Variants in TBPL2 observed in about 807,000 individuals in gnomAD.
TBPL2 encodes the protein TATA box-binding protein-like 2.
A neutral mutation model predicts 38.2 loss-of-function variants in TBPL2; 40 were observed. The observed-to-expected ratio is 1.05, with a 90% CI of 0.81 to 1.36. The LOEUF (loss-of-function observed/expected upper bound fraction) is 1.36. TBPL2 is among the 40% of genes most tolerant of loss of function. The pLI is 0.00. For synonymous variants in TBPL2, 169 were observed against 171.7 expected, an observed-to-expected ratio of 0.98 and a Z score of 0.12; for missense variants, 461 against 456.7, an observed-to-expected ratio of 1.01 and a Z score of -0.09.
chr14:55,427,745 G>A (rs1473972397), intron 5 of TBPL2, among the ~76,000 whole-genome samples: 8 of 151,972 alleles, frequency 5.3e-5, no homozygotes, highest in Non-Finnish European at 8.8e-5. Flanking sequence ...CTGTTGAGAC[G>A]GGAAGTCTGA....
intron 4 of TBPL2, among the ~76,000 whole-genome samples, chr14:55,429,217 T>C (rs1342872409): frequency 6.6e-6 from 1 of 152,222 alleles, no homozygotes; most frequent in Non-Finnish European, 1.5e-5. Flanking sequence ...TCACCTTTCA[T>C]ATATGAAGTA....
chr14:55,438,150 AT>A (rs1566596078), intron 1 of TBPL2, among the ~76,000 whole-genome samples: 1 of 152,092 alleles, frequency 6.6e-6, no homozygotes, highest in Non-Finnish European at 1.5e-5. Context: ...AAAAGATCTT[AT>A]TTCTTTTCTG....
chr14:55,422,860 AAAAC>A (rs762627819), intron 6 of TBPL2, among the ~76,000 whole-genome samples: 3 of 152,118 alleles, frequency 2.0e-5, no homozygotes, highest in Non-Finnish European at 2.9e-5. Flanking sequence ...CTCAAAAACA[AAAAC>A]AAACAAACAA....
At chr14:55,426,092 C>A (rs909114738) in intron 5 of TBPL2, among the ~76,000 whole-genome samples, 1 of 151,918 alleles carries the variant, frequency 6.6e-6, no homozygotes, top group Non-Finnish European at 1.5e-5. Flanking sequence ...TATGGTAAAA[C>A]CTCGTCTCTA....
chr14:55,429,370 TG>T (rs1885886151), intron 4 of TBPL2, among the ~76,000 whole-genome samples: 3 of 152,014 alleles, frequency 2.0e-5, no homozygotes, highest in Non-Finnish European at 4.4e-5. Context: ...ACTCTGGGGG[TG>T]GGGCCGAGCA....
chr14:55,432,156 C>T lies in TBPL2; in HGVS notation c.788+1474G>A, dbSNP rs118179874. On this transcript the variant is annotated intron_variant, in intron 4 of 6. Transcript: ENST00000247219. Reference sequence around the variant, plus strand: ...GATGTAGTAGCTCACGCCTGTAATCCCAGCACTTTGGGAGACCAAGGTGGG... The same window carrying T: ...GATGTAGTAGCTCACGCCTGTAATCTCAGCACTTTGGGAGACCAAGGTGGG... Among the ~76,000 whole-genome samples the T allele has an allele frequency of 2.6e-3, 391 of 151,774 alleles. 7 individuals carry two copies. The East Asian group carries it at 0.057, about 22-fold the overall frequency.
At chr14:55,414,920 G>C (rs1358327536) in intron 6 of TBPL2, among the ~76,000 whole-genome samples, 1 of 152,194 alleles carries the variant, frequency 6.6e-6, no homozygotes, top group African/African-American at 2.4e-5. Flanking sequence ...ATTTAAAAGA[G>C]TTTTAAATTT....
intron 5 of TBPL2, among the ~76,000 whole-genome samples, chr14:55,426,994 T>C (rs1340190388): frequency 6.6e-6 from 1 of 152,228 alleles, no homozygotes. Context: ...CTAAGTCTAA[T>C]GTAGACACAA....
exon 6 of TBPL2, chr14:55,424,203 C>T (rs1370123558): frequency 1.9e-6 from 3 of 1,613,392 alleles, no homozygotes; most frequent in Non-Finnish European, 2.5e-6. Context: ...CAACACAATT[C>T]GTGGTTTTAC....
chr14:55,431,627 G>T (rs1885927315), intron 4 of TBPL2, among the ~76,000 whole-genome samples: 1 of 152,182 alleles, frequency 6.6e-6, no homozygotes, highest in Non-Finnish European at 1.5e-5. Flanking sequence ...CAACATAAGA[G>T]AAAGTCCAGC....
At chr14:55,422,335 TC>T (rs1885756799) in intron 6 of TBPL2, among the ~76,000 whole-genome samples, 1 of 152,064 alleles carries the variant, frequency 6.6e-6, no homozygotes. Context: ...AACCTCCACC[TC>T]CTAGGTTCAA....
chr14:55,428,971 T>C, exon 5 of TBPL2: 2 of 1,614,022 alleles, frequency 1.2e-6, no homozygotes, highest in African/African-American at 1.3e-5. Context: ...GAGACTGCTC[T>C]TCACTGGGGA....
chr14:55,414,771 T>C (rs2140161162), intron 6 of TBPL2, among the ~76,000 whole-genome samples: 1 of 152,362 alleles, frequency 6.6e-6, no homozygotes, highest in East Asian at 1.9e-4. Flanking sequence ...CATCAGCACC[T>C]GCGGGCACTT....
intron 4 of TBPL2, among the ~76,000 whole-genome samples, chr14:55,430,265 G>C (rs1274984183): frequency 2.6e-5 from 4 of 152,066 alleles, no homozygotes; most frequent in African/African-American, 9.7e-5. Flanking sequence ...AAGCCAGTTT[G>C]AACTTGTTTG....
At chr14:55,422,994 AAAAAT>A (rs1223565055) in intron 6 of TBPL2, among the ~76,000 whole-genome samples, 1 of 152,260 alleles carries the variant, frequency 6.6e-6, no homozygotes, top group Admixed American at 6.5e-5. Flanking sequence ...GCCAACAGGA[AAAAAT>A]AACAAATATA....
intron 4 of TBPL2, among the ~76,000 whole-genome samples, chr14:55,431,379 T>C (rs1392305890): frequency 3.3e-5 from 5 of 152,222 alleles, no homozygotes; most frequent in African/African-American, 9.6e-5. Flanking sequence ...ACAATGAAAG[T>C]TGGATAACAA....
chr14:55,425,900 G>A (rs570742706), intron 5 of TBPL2, among the ~76,000 whole-genome samples: 251 of 152,238 alleles, frequency 1.6e-3, no homozygotes, highest in South Asian at 5.4e-3. Context: ...TATCATCCTA[G>A]CATCTGCTAC....
At chr14:55,433,819 G>T (rs137984034) in intron 3 of TBPL2, 98 bp from the exon 4 acceptor site, 3 of 1,051,138 alleles carry the variant, frequency 2.9e-6, no homozygotes, top group African/African-American at 1.6e-5. Context: ...AAACAGATTG[G>T]ATGGGAAAAC....
chr14:55,422,689 G>A (rs1885763109), intron 6 of TBPL2, among the ~76,000 whole-genome samples: 1 of 151,864 alleles, frequency 6.6e-6, no homozygotes, highest in South Asian at 2.1e-4. Context: ...CCATCTCTTC[G>A]AAAAATACAA....
Sources: gnomAD v4.1 joint callset for allele counts (sites outside exome capture counted in the v4.1 genomes callset) on GRCh38, gnomAD v4.1.1 for gene constraint, MANE v1.5 for transcripts, NCBI Gene and HGNC (gene_info 2026-07-23, HGNC 2026-07-21) for gene names.